Variants in CORO2B observed in about 807,000 individuals in gnomAD.
CORO2B encodes the protein coronin-2B.
A neutral mutation model predicts 58.8 loss-of-function variants in CORO2B; 26 were observed. The ratio of observed to expected loss-of-function variants is 0.44; its 90% CI spans 0.32 to 0.61. The LOEUF (loss-of-function observed/expected upper bound fraction) is 0.61, where lower values mean the gene tolerates loss of function less well. Among genes scored for constraint, CORO2B ranks in the 20% least tolerant of loss-of-function variants. The pLI, the probability that CORO2B is intolerant of heterozygous loss-of-function variation, is 0.04. For synonymous variants in CORO2B, 242 were observed against 253.8 expected (o/e 0.95, Z 0.44); for missense variants, 460 against 645.1 (o/e 0.71, Z 3.11).
At chr15:68,618,621 G>A (rs562217443) in intron 1 of CORO2B, among the ~76,000 whole-genome samples, 40 of 152,342 alleles carry the variant, frequency 2.6e-4, no homozygotes, top group Non-Finnish European at 4.6e-4. Flanking sequence ...AATCCTATAG[G>A]ACAGGGACTT....
chr15:68,570,983 C>G, the CORO2B span, among the ~76,000 whole-genome samples: 104,044 of 151,800 alleles, frequency 0.69, 36,018 homozygotes, highest in East Asian at 0.87. Context: ...GATGATGGCA[C>G]AAAGCACTTA....
chr15:68,669,465 G>A (rs951653161), intron 2 of CORO2B, among the ~76,000 whole-genome samples: 4 of 152,188 alleles, frequency 2.6e-5, no homozygotes, highest in East Asian at 1.9e-4. Context: ...CCTGGTGGGT[G>A]GGATGTGTTC....
intron 2 of CORO2B, among the ~76,000 whole-genome samples, chr15:68,673,666 G>A (rs770001120): frequency 6.6e-6 from 1 of 151,896 alleles, no homozygotes; most frequent in South Asian, 2.1e-4. Flanking sequence ...GTGAAACCCC[G>A]TTTCTACTAA....
chr15:68,691,274 G>A (rs1401969244), intron 2 of CORO2B, among the ~76,000 whole-genome samples: 1 of 145,920 alleles, frequency 6.9e-6, no homozygotes, highest in African/African-American at 2.6e-5. Flanking sequence ...AGCTTGCAGT[G>A]AGCCGAGATC....
intron 2 of CORO2B, among the ~76,000 whole-genome samples, chr15:68,662,861 T>C (rs1185638377): frequency 6.6e-6 from 1 of 152,278 alleles, no homozygotes; most frequent in Non-Finnish European, 1.5e-5. Context: ...ATATATTTTA[T>C]GCCAGTAAAT....
chr15:68,634,789 T>C lies in CORO2B; in HGVS notation c.16-10371T>C, dbSNP rs1595980665. Among the ~76,000 whole-genome samples the C allele has an allele frequency of 2.0e-5, 3 of 152,306 alleles. No homozygotes were observed. The Middle Eastern group carries it at 0.01, about 518-fold the overall frequency. ...AGCTGGAGAGTGATACCCAACTGAA[T>C]CATCTATGTGAACCACCTGGACCAC... On this transcript the variant is annotated intron_variant, in intron 1 of 11. Coordinates refer to ENST00000261861, the MANE Select transcript of CORO2B (RefSeq NM_006091.5).
chr15:68,585,995 C>T (rs905730447), intron 1 of CORO2B, among the ~76,000 whole-genome samples: 2 of 152,170 alleles, frequency 1.3e-5, no homozygotes, highest in Non-Finnish European at 2.9e-5. Context: ...GCAGCCCTTA[C>T]GAAGCAGCCT....
At chr15:68,676,623 C>T (rs1041388689) in intron 2 of CORO2B, among the ~76,000 whole-genome samples, 9 of 152,214 alleles carry the variant, frequency 5.9e-5, no homozygotes, top group African/African-American at 9.6e-5. Context: ...AGGTCTCAGC[C>T]GTGTTTCCCA....
intron 1 of CORO2B, among the ~76,000 whole-genome samples, chr15:68,612,288 T>C (rs1463887599): frequency 6.6e-6 from 1 of 152,252 alleles, no homozygotes; most frequent in Non-Finnish European, 1.5e-5. Context: ...TAAGCTCTTA[T>C]TTTCTGTGGC....
intron 1 of CORO2B, 148 bp downstream of exon 1, chr15:68,579,425 T>A: frequency 1.2e-6 from 1 of 824,926 alleles, no homozygotes; most frequent in Non-Finnish European, 1.5e-6. Flanking sequence ...CCGGATCCGC[T>A]CGAGTCACTC....
In CORO2B at chr15:68,715,202, C is replaced by T. The variant is rs1567018905; in HGVS notation, c.871-13C>T. The stretch of plus-strand genomic sequence containing the variant: ...CCTGCCACCTTCCTCAACTCCATCT[C>T]TCCTGACCCCAGGGTGATGGAAACA... On this transcript the variant is annotated splice_polypyrimidine_tract_variant and intron_variant, in intron 7 of 11. Transcript: ENST00000261861. 10 of 1,612,986 alleles carry T rather than the reference C, an allele frequency of 6.2e-6. No homozygotes were observed. The highest frequency in any genetic ancestry group is 2.7e-5 in the African/African-American group (2 of 74,908).
chr15:68,718,025 G>A (rs1231383683), intron 8 of CORO2B, among the ~76,000 whole-genome samples: 2 of 152,194 alleles, frequency 1.3e-5, no homozygotes, highest in Non-Finnish European at 2.9e-5. Context: ...GGGGCAGAGT[G>A]AGGACTCAAA....
the CORO2B span, among the ~76,000 whole-genome samples, chr15:68,539,485 C>T: frequency 1.3e-5 from 2 of 151,700 alleles, no homozygotes; most frequent in African/African-American, 4.8e-5. Context: ...CAAGCCCGGG[C>T]AACATGGCAA....
chr15:68,604,505 G>T (rs755062931), intron 1 of CORO2B, among the ~76,000 whole-genome samples: 8 of 149,338 alleles, frequency 5.4e-5, no homozygotes, highest in Non-Finnish European at 8.9e-5. Context: ...AAAAGGTGTG[G>T]TTTTTTTTTT....
chr15:68,547,534 G>A, the CORO2B span, among the ~76,000 whole-genome samples: 1 of 152,006 alleles, frequency 6.6e-6, no homozygotes, highest in Admixed American at 6.6e-5. Flanking sequence ...AGTAGAGACG[G>A]GGTTTTACCG....
At chr15:68,525,348 T>G in the CORO2B span, among the ~76,000 whole-genome samples, 1 of 152,170 alleles carries the variant, frequency 6.6e-6, no homozygotes, top group Non-Finnish European at 1.5e-5. Flanking sequence ...TGTGAAACAT[T>G]GCTGGAAAAG....
chr15:68,537,378 G>GCA, the CORO2B span, among the ~76,000 whole-genome samples: 6 of 152,232 alleles, frequency 3.9e-5, no homozygotes, highest in Admixed American at 2.6e-4. Flanking sequence ...GCAATAGCAT[G>GCA]GGCACTCTGG....
chr15:68,651,200 A>G (rs1901629288), intron 2 of CORO2B, among the ~76,000 whole-genome samples: 1 of 152,164 alleles, frequency 6.6e-6, no homozygotes, highest in African/African-American at 2.4e-5. Flanking sequence ...CCAAAGCGGG[A>G]TGACTTAGGT....
chr15:68,531,313 T>G, the CORO2B span, among the ~76,000 whole-genome samples: 3 of 136,026 alleles, frequency 2.2e-5, no homozygotes, highest in Non-Finnish European at 4.6e-5. Context: ...AAACCTCATC[T>G]CAACTAAAAA....
Sources: allele counts gnomAD v4.1 joint callset (sites outside exome capture counted in the v4.1 genomes callset), GRCh38; gene constraint gnomAD v4.1.1; transcripts MANE v1.5; gene names NCBI Gene and HGNC (gene_info 2026-07-23, HGNC 2026-07-21).